The following TRIQK variants were observed in gnomAD, a reference collection of about 807,000 sequenced individuals.
TRIQK encodes the protein triple QxxK/R motif-containing protein.
TRIQK carries 10 observed loss-of-function variants against 10.8 expected under a neutral mutation model. That is an observed-to-expected ratio of 0.92 (90% confidence interval 0.57 to 1.57). The LOEUF is 1.57. Ranked by LOEUF, TRIQK falls within the 40% of genes most tolerant of loss-of-function variation. The pLI is 0.00. For synonymous variants in TRIQK, 33 were observed against 33.7 expected, an observed-to-expected ratio of 0.98 and a Z score of 0.07; for missense variants, 107 against 97.7, an observed-to-expected ratio of 1.09 and a Z score of -0.40.
At chr8:92,905,105 G>A (rs1809181869) in intron 3 of TRIQK, among the ~76,000 whole-genome samples, 1 of 151,998 alleles carries the variant, frequency 6.6e-6, no homozygotes, top group Non-Finnish European at 1.5e-5. Flanking sequence ...TCGATGAACA[G>A]ACACGTCTAA....
chr8:92,903,416 G>A (rs968109423), intron 3 of TRIQK, among the ~76,000 whole-genome samples: 6 of 151,968 alleles, frequency 3.9e-5, no homozygotes, highest in East Asian at 1.9e-4. Context: ...TAGCACAGGT[G>A]TTTTTGATAA....
At chr8:92,902,881 C>T (rs946641443) in intron 3 of TRIQK, among the ~76,000 whole-genome samples, 4 of 151,474 alleles carry the variant, frequency 2.6e-5, no homozygotes, top group African/African-American at 9.7e-5. Context: ...TTTAGTGTTC[C>T]ATTTAAATTA....
intron 4 of TRIQK, among the ~76,000 whole-genome samples, chr8:92,890,578 T>A (rs1459188679): frequency 1.3e-5 from 2 of 151,758 alleles, no homozygotes; most frequent in African/African-American, 4.8e-5. Flanking sequence ...ACAACAATTA[T>A]AAGAGCAAAT....
rs542491684 is a variant in TRIQK at position 92,885,650 on chromosome 8, TTTC to T, written c.*969_*971del. On this transcript the variant is annotated 3_prime_UTR_variant, in exon 5 of 5. Transcript: ENST00000521988. Reference sequence around the variant, plus strand: ...TACATATGAAATATGAGGCATATATTTTCTTCTATTATTTATTTTCTCCCTAAA... The same window carrying T: ...TACATATGAAATATGAGGCATATATTTTCTATTATTTATTTTCTCCCTAAA... The T allele has an allele frequency of 6.9e-4, 105 of 151,910 alleles. No individual in the cohort carries two copies. The highest frequency in any genetic ancestry group is 2.2e-3 in the African/African-American group (90 of 41,512). The allele number at this position is 151,910 out of a possible 1,614,324, so 9.4% of individuals were successfully genotyped here.
chr8:93,013,795 C>T (rs1347239730), intron 1 of TRIQK, among the ~76,000 whole-genome samples: 2 of 151,942 alleles, frequency 1.3e-5, no homozygotes, highest in Non-Finnish European at 2.9e-5. Context: ...GCTAGCAGCC[C>T]AATTCTAATA....
intron 2 of TRIQK, among the ~76,000 whole-genome samples, chr8:92,918,292 C>A (rs1809975481): frequency 6.6e-6 from 1 of 151,904 alleles, no homozygotes; most frequent in Non-Finnish European, 1.5e-5. Flanking sequence ...TATTGAGGAA[C>A]CTCCATATTG....
At chr8:92,910,668 G>A (rs1809521973) in intron 3 of TRIQK, among the ~76,000 whole-genome samples, 2 of 150,550 alleles carry the variant, frequency 1.3e-5, no homozygotes, top group South Asian at 2.1e-4. Context: ...ATAACAAAAA[G>A]TATTTTACCA....
chr8:93,016,905 A>G (rs1166669676), intron 1 of TRIQK, among the ~76,000 whole-genome samples: 1 of 152,184 alleles, frequency 6.6e-6, no homozygotes, highest in Non-Finnish European at 1.5e-5. Flanking sequence ...TGTATGGCAT[A>G]TGCATATGAT....
chr8:92,896,516 G>C (rs893151674), intron 3 of TRIQK, among the ~76,000 whole-genome samples: 24 of 152,168 alleles, frequency 1.6e-4, no homozygotes, highest in African/African-American at 5.5e-4. Context: ...TGCAATTACA[G>C]TCTGGGAAAG....
At chr8:92,895,216 G>A (rs1808530592) in intron 3 of TRIQK, among the ~76,000 whole-genome samples, 1 of 152,098 alleles carries the variant, frequency 6.6e-6, no homozygotes, top group African/African-American at 2.4e-5. Flanking sequence ...CTTGCCAGAG[G>A]CAGGCCCCTC....
chr8:92,918,320 C>A (rs1441808590), intron 2 of TRIQK, among the ~76,000 whole-genome samples: 1 of 151,782 alleles, frequency 6.6e-6, no homozygotes, highest in Non-Finnish European at 1.5e-5. Context: ...TAATGGTGTA[C>A]CAATTTACAT....
chr8:92,892,084 A>G lies in TRIQK; in HGVS notation c.62-10T>C, dbSNP rs1191297196. 8 of 1,478,340 alleles carry G rather than the reference A, an allele frequency of 5.4e-6. No homozygotes were observed. Among genetic ancestry groups the G allele is most frequent in the African/African-American group, 1.4e-5 (1 of 71,508 alleles). The allele number at this position is 1,478,340 out of a possible 1,614,324, so 91.6% of individuals were successfully genotyped here. ...TTATAATCCTGTTTACCTAGAAAGA[A>G]ATAGTTTCAGACAATGAGTTATGCT... On this transcript the variant is annotated splice_polypyrimidine_tract_variant and intron_variant, in intron 3 of 4. Transcript: ENST00000521988.
chr8:92,957,759 G>A (rs1482178607), intron 1 of TRIQK, among the ~76,000 whole-genome samples: 3 of 151,744 alleles, frequency 2.0e-5, no homozygotes, highest in African/African-American at 4.8e-5. Context: ...AACAGATTAC[G>A]TTTTTACTTT....
At chr8:92,963,394 G>C (rs140086224) in intron 1 of TRIQK, 1 of 151,250 alleles carries the variant, frequency 6.6e-6, no homozygotes, top group Admixed American at 6.6e-5. Flanking sequence ...ATCAGGAAAA[G>C]AGCCACAGTG....
chr8:93,016,791 G>A (rs1053999103), intron 1 of TRIQK, among the ~76,000 whole-genome samples: 2 of 152,144 alleles, frequency 1.3e-5, no homozygotes, highest in South Asian at 2.1e-4. Context: ...CAGGTGCGAA[G>A]CCTCAGAGCT....
At chr8:93,005,745 T>C (rs1813263028) in intron 1 of TRIQK, among the ~76,000 whole-genome samples, 2 of 152,088 alleles carry the variant, frequency 1.3e-5, no homozygotes, top group South Asian at 4.1e-4. Context: ...TTTCTCTACT[T>C]CTACTTAATA....
intron 3 of TRIQK, among the ~76,000 whole-genome samples, chr8:92,914,492 C>G (rs772071720): frequency 4.6e-5 from 7 of 152,098 alleles, no homozygotes; most frequent in South Asian, 4.1e-4. Context: ...ACTTGAGAAA[C>G]AGTTAAGTCA....
chr8:92,937,986 T>C (rs1811077329), intron 2 of TRIQK, among the ~76,000 whole-genome samples: 2 of 152,030 alleles, frequency 1.3e-5, no homozygotes, highest in African/African-American at 4.8e-5. Context: ...TTGTGTGATG[T>C]TTCATTTTCC....
At chr8:92,913,464 A>G (rs892188175) in intron 3 of TRIQK, among the ~76,000 whole-genome samples, 1 of 152,172 alleles carries the variant, frequency 6.6e-6, no homozygotes, top group Non-Finnish European at 1.5e-5. Context: ...AAAAGTCAGG[A>G]AACAACACAT....
Sources: gnomAD v4.1 joint callset for allele counts (sites outside exome capture counted in the v4.1 genomes callset) on GRCh38, gnomAD v4.1.1 for gene constraint, MANE v1.5 for transcripts, NCBI Gene and HGNC (gene_info 2026-07-23, HGNC 2026-07-21) for gene names.